The following PRKAR2A variants were observed in gnomAD, a reference collection of about 807,000 sequenced individuals.
PRKAR2A encodes the protein cAMP-dependent protein kinase type II-alpha regulatory subunit.
A neutral mutation model predicts 51.9 loss-of-function variants in PRKAR2A; 29 were observed. The observed-to-expected ratio is 0.56, with a 90% CI of 0.42 to 0.76. The LOEUF (loss-of-function observed/expected upper bound fraction) is 0.76, where lower values mean the gene tolerates loss of function less well. Among genes scored for constraint, PRKAR2A ranks in the 30% least tolerant of loss-of-function variants. The pLI is 0.00. For missense variants in PRKAR2A, 445 were observed against 512.1 expected (o/e 0.87, Z 1.26); for synonymous variants, 178 against 186.2 (o/e 0.96, Z 0.36).
intron 5 of PRKAR2A, among the ~76,000 whole-genome samples, chr3:48,777,103 T>C (rs1272896616): frequency 2.0e-5 from 3 of 152,124 alleles, no homozygotes; most frequent in African/African-American, 7.2e-5. Flanking sequence ...TGCCAGCCCC[T>C]GTGTAAGAGT....
chr3:48,772,862 G>GT (rs966411148), intron 6 of PRKAR2A, 93 bp downstream of exon 6: 7 of 1,306,952 alleles, frequency 5.4e-6, no homozygotes. Context: ...CAGGATGGCT[G>GT]TAAGATATAG....
chr3:48,814,387 C>T (rs1049223548), intron 1 of PRKAR2A, among the ~76,000 whole-genome samples: 3 of 152,138 alleles, frequency 2.0e-5, no homozygotes, highest in African/African-American at 7.2e-5. Context: ...CACTGCACTC[C>T]AGCCTGGGCA....
chr3:48,838,648 T>C (rs1332703800), intron 1 of PRKAR2A, among the ~76,000 whole-genome samples: 5 of 150,302 alleles, frequency 3.3e-5, no homozygotes, highest in Admixed American at 6.7e-5. Flanking sequence ...CAAAACAGTA[T>C]ATGGGACTTT....
intron 1 of PRKAR2A, among the ~76,000 whole-genome samples, chr3:48,821,586 T>C (rs2082961293): frequency 6.6e-6 from 1 of 152,192 alleles, no homozygotes; most frequent in Non-Finnish European, 1.5e-5. Flanking sequence ...TCTTTAAGTT[T>C]TACCACACCC....
chr3:48,773,581 G>A (rs1336945333), intron 5 of PRKAR2A, among the ~76,000 whole-genome samples: 1 of 151,456 alleles, frequency 6.6e-6, no homozygotes, highest in East Asian at 1.9e-4. Flanking sequence ...TTCGTGATCC[G>A]CCCGCCTCAG....
chr3:48,847,410 GGGGGTGGCCCAGGCTCTGGCGT>G lies in PRKAR2A; in HGVS notation c.165_186del (p.Ser58AsnfsTer54). On this transcript the variant is annotated frameshift_variant, in exon 1 of 11. Transcript: ENST00000265563. LOFTEE classifies it high-confidence loss of function. The surrounding 1 kb of genome is among the most constrained non-coding windows in gnomAD (Gnocchi z 4.4). ...ACACGGTCCGGGCCGGGTTCTGGCG[GGGGGTGGCCCAGGCTCTGGCGT>G]GGGGTGGCGGCGGGCAGGACTGAGG... The G allele has an allele frequency of 2.5e-6, 4 of 1,603,806 alleles. No individual in the cohort carries two copies. The highest frequency in any genetic ancestry group is 2.6e-6 in the Non-Finnish European group (3 of 1,175,358).
At chr3:48,816,451 C>T (rs1007024708) in intron 1 of PRKAR2A, among the ~76,000 whole-genome samples, 1 of 151,622 alleles carries the variant, frequency 6.6e-6, no homozygotes, top group Admixed American at 6.6e-5. Flanking sequence ...CCATCCTGGC[C>T]AACATGGTGA....
chr3:48,832,972 T>C (rs1483697712), intron 1 of PRKAR2A, among the ~76,000 whole-genome samples: 1 of 152,154 alleles, frequency 6.6e-6, no homozygotes, highest in Non-Finnish European at 1.5e-5. Context: ...GCCCACATAT[T>C]ATGAGTCTGT....
At chr3:48,817,922 T>C (rs2107393358) in intron 1 of PRKAR2A, among the ~76,000 whole-genome samples, 1 of 152,286 alleles carries the variant, frequency 6.6e-6, no homozygotes, top group Non-Finnish European at 1.5e-5. Context: ...CATTAGCATG[T>C]AGAGTTGCTA....
chr3:48,760,916 G>A (rs1010839769), intron 8 of PRKAR2A, among the ~76,000 whole-genome samples: 2 of 151,786 alleles, frequency 1.3e-5, no homozygotes, highest in Non-Finnish European at 2.9e-5. Flanking sequence ...GAGCCTAGAA[G>A]TTCAAGGCTG....
Position 48,748,702 on chromosome 3 carries a change from TC to T in PRKAR2A, c.*2882del, listed in dbSNP as rs1289226763. 1.3e-5 allele frequency: 2 copies of T among 152,264 alleles called. No individual in the cohort carries two copies. Among genetic ancestry groups the T allele is most frequent in the Non-Finnish European group, 2.9e-5 (2 of 68,090 alleles). 9.4% of individuals were successfully genotyped at this position (152,264 alleles called of 1,614,324 possible). A position where few individuals can be genotyped will look rare whatever the true frequency, so the allele number is the denominator to read the frequency against. ...CAAGTTCTGGGGCTGGACCTCTGTG[TC>T]ACTCCTGAATCCCAATGTATCCGTT... On this transcript the variant is annotated 3_prime_UTR_variant, in exon 11 of 11. Coordinates refer to ENST00000265563, the MANE Select transcript of PRKAR2A (RefSeq NM_004157.4).
rs911624937 is a variant in PRKAR2A at position 48,778,321 on chromosome 3, T to C, written c.542+4665A>G. Reference sequence around the variant, plus strand: ...CTATTTGTTTATCACCACATTCTTTTTTCTTTTCTTTTTATTCTGAGACAG... The same window carrying C: ...CTATTTGTTTATCACCACATTCTTTCTTCTTTTCTTTTTATTCTGAGACAG... On this transcript the variant is annotated intron_variant, in intron 5 of 10. Transcript: ENST00000265563. Among the ~76,000 whole-genome samples the C allele has an allele frequency of 6.6e-5, 10 of 151,656 alleles. 1 individual carries two copies. The highest frequency in any genetic ancestry group is 2.4e-4 in the African/African-American group (10 of 41,254).
At chr3:48,845,386 T>A (rs2083445608) in intron 1 of PRKAR2A, among the ~76,000 whole-genome samples, 1 of 152,152 alleles carries the variant, frequency 6.6e-6, no homozygotes, top group Non-Finnish European at 1.5e-5. Flanking sequence ...GCTTGTGACC[T>A]CCCACAGCAA....
intron 4 of PRKAR2A, among the ~76,000 whole-genome samples, chr3:48,785,593 C>T (rs543229270): frequency 3.3e-5 from 5 of 151,980 alleles, no homozygotes; most frequent in African/African-American, 1.2e-4. Flanking sequence ...GACAGGGTTT[C>T]ACCATGTTGG....
At chr3:48,758,741 C>T (rs1000672531) in intron 8 of PRKAR2A, among the ~76,000 whole-genome samples, 2 of 152,158 alleles carry the variant, frequency 1.3e-5, no homozygotes, top group Non-Finnish European at 2.9e-5. Flanking sequence ...TCACTCCCAG[C>T]AGGCTCTCTG....
chr3:48,826,052 C>A (rs1325454908), intron 1 of PRKAR2A, among the ~76,000 whole-genome samples: 1 of 152,230 alleles, frequency 6.6e-6, no homozygotes, highest in South Asian at 2.1e-4. Context: ...CACTGGAGCC[C>A]AGGAGTTTGA....
At position 48,756,531 on chromosome 3, in the gene PRKAR2A, T is replaced by C; in HGVS notation, c.874-87A>G. ...GATTGCTTTTTCACTGCTTAAGCTC[T>C]GATTTGTATTTATTTTTTAACTCTG... is the stretch of plus-strand genomic sequence containing the variant. On this transcript the variant is annotated intron_variant, in intron 8 of 10. Transcript: ENST00000265563. 6.4e-6 allele frequency: 6 copies of C among 942,900 alleles called. No homozygotes were observed. The East Asian group carries it at 1.5e-4, about 23-fold the overall frequency. 58.4% of individuals were successfully genotyped at this position (942,900 alleles called of 1,614,324 possible).
intron 2 of PRKAR2A, 105 bp from the exon 3 acceptor site, chr3:48,794,154 CTT>C (rs368082715): frequency 0.01 from 6,497 of 640,484 alleles, no homozygotes; most frequent in East Asian, 0.014. Flanking sequence ...GTTTTCTTTT[CTT>C]TTTTTTTTTT....
chr3:48,799,023 TCTTTA>T (rs2082542496), intron 2 of PRKAR2A, among the ~76,000 whole-genome samples: 1 of 152,164 alleles, frequency 6.6e-6, no homozygotes, highest in South Asian at 2.1e-4. Flanking sequence ...CCCCTCAATC[TCTTTA>T]CTTCTCCTTA....
Sources: allele counts gnomAD v4.1 joint callset (sites outside exome capture counted in the v4.1 genomes callset), GRCh38; gene constraint gnomAD v4.1.1; non-coding constraint Gnocchi (gnomAD v3.1); transcripts MANE v1.5; gene names NCBI Gene and HGNC (gene_info 2026-07-23, HGNC 2026-07-21).